TEX14: variants seen among roughly 807,000 people sequenced by gnomAD.
The protein encoded by TEX14 is testis expressed 14, intercellular bridge forming factor, also known as inactive serine/threonine-protein kinase TEX14.
TEX14 carries 168 observed loss-of-function variants against 178.6 expected under a neutral mutation model. The ratio of observed to expected loss-of-function variants is 0.94; its 90% CI spans 0.83 to 1.07. The LOEUF is 1.07. Ranked by LOEUF, TEX14 falls within the 50% of genes least tolerant of loss-of-function variation. TEX14 has a pLI of 0.00. For synonymous variants in TEX14, 626 were observed against 634.1 expected (o/e 0.99, Z 0.19); for missense variants, 1,730 against 1,753.6 (o/e 0.99, Z 0.24).
intron 17 of TEX14, 32 bp from the exon 18 acceptor site, chr17:58,586,114 TCACTGTAAA>T (rs1392175161): frequency 6.3e-7 from 1 of 1,590,474 alleles, no homozygotes; most frequent in African/African-American, 1.3e-5. Context: ...ATTTAAAACA[TCACTGTAAA>T]CACTGGAAAC....
At chr17:58,661,674 A>G in intron 1 of TEX14, 1 of 614,366 alleles carries the variant, frequency 1.6e-6, no homozygotes, top group East Asian at 2.7e-5. Context: ...TAGATTTCTA[A>G]CAACCAGTCT....
intron 1 of TEX14, among the ~76,000 whole-genome samples, chr17:58,679,842 G>A (rs1033350747): frequency 6.6e-6 from 1 of 151,996 alleles, no homozygotes. Flanking sequence ...TTTAATATCT[G>A]GCTATTCAAA....
Position 58,569,922 on chromosome 17 carries a change from A to T in TEX14, c.3817+463T>A, listed in dbSNP as rs1208711702. On this transcript the variant is annotated intron_variant, in intron 25 of 31. Transcript: ENST00000349033. This position sits in a 1 kb window ranked among gnomAD's most constrained non-coding sequence, Gnocchi z 4.1. ...ATCCTAAGGAAAGGATCAGAGGTAC[A>T]GATAAAAATTTATGTATAAAGAGCA... Among the ~76,000 whole-genome samples the T allele has an allele frequency of 4.6e-5, 7 of 152,236 alleles. No individual in the cohort carries two copies. Among genetic ancestry groups the T allele is most frequent in the Non-Finnish European group, 1.5e-5 (1 of 68,038 alleles).
chr17:58,661,760 G>C (rs753905096), intron 1 of TEX14: 2 of 550,556 alleles, frequency 3.6e-6, no homozygotes, highest in East Asian at 3.0e-5. Context: ...CAACGGAGTC[G>C]GTTGTGCCGG....
intron 24 of TEX14, among the ~76,000 whole-genome samples, chr17:58,571,235 C>CT (rs11456555): frequency 0.72 from 91,681 of 127,190 alleles, 33,506 homozygotes; most frequent in East Asian, 0.89. Flanking sequence ...CTTTTCTTTT[C>CT]TTTTTTTTTT....
At chr17:58,567,155 G>A (rs1221349829) in intron 26 of TEX14, among the ~76,000 whole-genome samples, 1 of 152,130 alleles carries the variant, frequency 6.6e-6, no homozygotes, top group African/African-American at 2.4e-5. Flanking sequence ...CAACAAGAGT[G>A]AAACCCTGTC....
chr17:58,654,461 C>G (rs2046906222), intron 1 of TEX14, among the ~76,000 whole-genome samples: 1 of 149,906 alleles, frequency 6.7e-6, no homozygotes, highest in South Asian at 2.1e-4. Flanking sequence ...TAGGCATGGA[C>G]CTTGAATGTA....
At chr17:58,678,625 G>C (rs1378629915) in intron 1 of TEX14, among the ~76,000 whole-genome samples, 1 of 151,936 alleles carries the variant, frequency 6.6e-6, no homozygotes, top group East Asian at 1.9e-4. Flanking sequence ...ATTGAACAAT[G>C]AGAACACTTG....
rs773278750 is a variant in TEX14 at position 58,623,016 on chromosome 17, G to T, written c.252-4C>A. The T allele has an allele frequency of 5.0e-6, 8 of 1,588,086 alleles. No homozygotes were observed. The highest frequency in any genetic ancestry group is 6.9e-6 in the Non-Finnish European group (8 of 1,158,558). Reference sequence around the variant, plus strand: ...GGTGCTCCCATCAAAGCAGCGGCTGGGGAGGGAGATGAGTACAATTGATGT... The same window carrying T: ...GGTGCTCCCATCAAAGCAGCGGCTGTGGAGGGAGATGAGTACAATTGATGT... On this transcript the variant is annotated splice_polypyrimidine_tract_variant and splice_region_variant and intron_variant, in intron 3 of 31. Transcript: ENST00000349033.
At chr17:58,613,014 C>G (rs1158485647) in intron 9 of TEX14, among the ~76,000 whole-genome samples, 2 of 152,024 alleles carry the variant, frequency 1.3e-5, no homozygotes, top group Non-Finnish European at 2.9e-5. Flanking sequence ...ACAGCCTGGC[C>G]AACACGGTGA....
rs777415571 is a variant in TEX14 at position 58,599,672 on chromosome 17, G to GA, written c.1679-7dup. 9 of 1,596,092 alleles carry GA rather than the reference G, an allele frequency of 5.6e-6. No homozygotes were observed. In the East Asian group the frequency reaches 6.7e-5, roughly 12 times the overall value. On this transcript the variant is annotated splice_polypyrimidine_tract_variant and splice_region_variant and intron_variant, in intron 13 of 31. Coordinates refer to ENST00000349033, the MANE Select transcript of TEX14 (RefSeq NM_031272.5). The stretch of plus-strand genomic sequence containing the variant: ...TGGTGAATGAGGTTGACTGCCTATT[G>GA]AAAAAAACAGCAAAATGCAACTCAT...
At chr17:58,574,315 C>T (rs2044620244) in intron 21 of TEX14, 66 bp from the exon 22 acceptor site, 3 of 1,249,598 alleles carry the variant, frequency 2.4e-6, no homozygotes, top group Middle Eastern at 1.9e-4. Flanking sequence ...TAACTACTTG[C>T]TACAAGGAAC....
At position 58,604,958 on chromosome 17, in the gene TEX14, C is replaced by T. The variant is rs779111498; in HGVS notation, c.1336+20G>A. 6.2e-7 allele frequency: 1 copy of T among 1,613,774 alleles called. No individual in the cohort carries two copies. Among genetic ancestry groups the T allele is most frequent in the Non-Finnish European group, 8.5e-7 (1 of 1,179,728 alleles). The stretch of plus-strand genomic sequence containing the variant: ...CCTAAGAATAGGGACTTTGGTCAAC[C>T]ATTAATGATCTTGATCTACCTGTTA... On this transcript the variant is annotated intron_variant, in intron 11 of 31. Coordinates refer to ENST00000349033, the MANE Select transcript of TEX14 (RefSeq NM_031272.5).
chr17:58,671,903 C>A (rs1006578709), intron 1 of TEX14, among the ~76,000 whole-genome samples: 5 of 152,272 alleles, frequency 3.3e-5, no homozygotes, highest in Non-Finnish European at 7.4e-5. Context: ...AGCCCCATCT[C>A]TCACCTACTT....
chr17:58,661,007 TGAA>T, intron 1 of TEX14: 1 of 1,173,244 alleles, frequency 8.5e-7, no homozygotes, highest in Non-Finnish European at 1.3e-6. Flanking sequence ...CCTCTGAAGG[TGAA>T]GAAGATAATA....
intron 2 of TEX14, among the ~76,000 whole-genome samples, chr17:58,636,868 G>T (rs181975311): frequency 6.6e-6 from 1 of 150,800 alleles, no homozygotes; most frequent in African/African-American, 2.4e-5. Flanking sequence ...AGCTGAGATC[G>T]CGCCACTACA....
At chr17:58,613,607 G>C (rs964565442) in intron 8 of TEX14, 63 bp from the exon 9 acceptor site, 7 of 1,555,130 alleles carry the variant, frequency 4.5e-6, no homozygotes, top group African/African-American at 2.8e-5. Context: ...AAAAATGAGC[G>C]TAGGCCTTTT....
intron 13 of TEX14, among the ~76,000 whole-genome samples, chr17:58,601,496 T>G (rs2045442274): frequency 7.0e-6 from 1 of 143,694 alleles, no homozygotes; most frequent in African/African-American, 2.6e-5. Context: ...CACTCCAGCC[T>G]GGGCAACAGA....
intron 30 of TEX14, 132 bp downstream of exon 30, chr17:58,559,321 A>G (rs902630194): frequency 1.4e-5 from 8 of 565,992 alleles, no homozygotes; most frequent in Non-Finnish European, 2.5e-5. Flanking sequence ...CCTGAGCTGA[A>G]CTGCAGAGAA....
Sources: gnomAD v4.1 joint callset for allele counts (sites outside exome capture counted in the v4.1 genomes callset) on GRCh38, gnomAD v4.1.1 for gene constraint, Gnocchi (gnomAD v3.1) non-coding constraint, MANE v1.5 for transcripts, NCBI Gene and HGNC (gene_info 2026-07-23, HGNC 2026-07-21) for gene names.